The following SLC16A2 variants were observed in gnomAD, a reference collection of about 807,000 sequenced individuals.
The protein encoded by SLC16A2 is monocarboxylate transporter 8.
A neutral mutation model predicts 27.2 loss-of-function variants in SLC16A2; 3 were observed. The ratio of observed to expected loss-of-function variants is 0.11; its 90% CI spans 0.05 to 0.28. The LOEUF is 0.28. Ranked by LOEUF, SLC16A2 falls within the 10% of genes least tolerant of loss-of-function variation. The probability of loss-of-function intolerance (pLI) is 1.00; values close to 1 mark genes in which losing one functional copy is unlikely to be tolerated. For synonymous variants in SLC16A2, 202 were observed against 187.8 expected, an observed-to-expected ratio of 1.08 and a Z score of -0.62; for missense variants, 295 against 458.5, an observed-to-expected ratio of 0.64 and a Z score of 3.26.
At chrX:74,509,655 C>T (rs1210549603) in intron 1 of SLC16A2, among the ~76,000 whole-genome samples, 3 of 111,319 alleles carry the variant, frequency 2.7e-5, no homozygotes, top group African/African-American at 6.5e-5. Context: ...CCTCCACCTC[C>T]TGGGTTCAAG....
chrX:74,459,910 C>T, intron 1 of SLC16A2, among the ~76,000 whole-genome samples: 1 of 111,510 alleles, frequency 9.0e-6, no homozygotes, highest in East Asian at 2.8e-4. Context: ...AGCATGTTAG[C>T]CCATAACAGA....
chrX:74,518,991 G>A (rs1306864072), intron 1 of SLC16A2, among the ~76,000 whole-genome samples: 2 of 111,646 alleles, frequency 1.8e-5, no homozygotes, highest in African/African-American at 6.5e-5. Flanking sequence ...TGGATCATAC[G>A]ATTTGTGAAT....
At chrX:74,462,584 C>T (rs1929171732) in intron 1 of SLC16A2, among the ~76,000 whole-genome samples, 2 of 109,313 alleles carry the variant, frequency 1.8e-5, no homozygotes, top group African/African-American at 3.3e-5. Context: ...TCCCAAAGTG[C>T]TGGGATTACA....
intron 1 of SLC16A2, among the ~76,000 whole-genome samples, chrX:74,510,402 A>T (rs1420990176): frequency 1.8e-5 from 2 of 112,112 alleles, no homozygotes; most frequent in South Asian, 3.7e-4. Flanking sequence ...AAAACAAAAC[A>T]AAACACCTGT....
chrX:74,448,302 A>ATTTTTTT (rs144467927), intron 1 of SLC16A2, among the ~76,000 whole-genome samples: 1 of 64,250 alleles, frequency 1.6e-5, no homozygotes, highest in Non-Finnish European at 2.7e-5. Context: ...AATCCTTTGG[A>ATTTTTTT]TTTTTTTTTT....
intron 1 of SLC16A2, among the ~76,000 whole-genome samples, chrX:74,506,946 T>TA (rs2147865109): frequency 9.5e-6 from 1 of 105,216 alleles, no homozygotes; most frequent in Non-Finnish European, 1.9e-5. Flanking sequence ...TATTTTTTTT[T>TA]TTTTGAGGCA....
In SLC16A2 at chrX:74,524,501, A is replaced by T; in HGVS notation, c.718A>T (p.Ser240Cys). The change falls in exon 3 of 6, where the codon AGC (serine) becomes TGC (cysteine). Residue 240 changes from serine to cysteine, a missense_variant. By Grantham distance (112) the Ser-to-Cys change is moderately radical. Transcript: ENST00000587091. The stretch of plus-strand genomic sequence containing the variant: ...CAATGGTGTGGTGTCTGCTGGGAGT[A>T]GCATTTTCTCCATGTCCTTCCCCTT... ...LANGVVSAGS[S>C]IFSMSFPFLI... The T allele has an allele frequency of 8.3e-7, 1 of 1,211,556 alleles. No individual in the cohort carries two copies. The highest frequency in any genetic ancestry group is 1.1e-6 in the Non-Finnish European group (1 of 895,440).
At chrX:74,496,112 C>A (rs1479284054) in intron 1 of SLC16A2, among the ~76,000 whole-genome samples, 1 of 111,440 alleles carries the variant, frequency 9.0e-6, no homozygotes, top group Non-Finnish European at 1.9e-5. Context: ...GCTGGGGACC[C>A]CTCAGAAGGG....
chrX:74,522,294 C>G (rs1930419352), intron 2 of SLC16A2, among the ~76,000 whole-genome samples: 2 of 112,004 alleles, frequency 1.8e-5, no homozygotes, highest in Non-Finnish European at 3.8e-5. Flanking sequence ...GTGAGGTAAG[C>G]CAGCTTTCTT....
rs769304904 is a variant in SLC16A2 at position 74,467,827 on chromosome X, G to C, written c.430+45760G>C. Among the ~76,000 whole-genome samples, 16 of 111,126 alleles carry C rather than the reference G, an allele frequency of 1.4e-4. No individual in the cohort carries two copies. In the Admixed American group the frequency reaches 1.5e-3, roughly 11 times the overall value. On this transcript the variant is annotated intron_variant, in intron 1 of 5. Coordinates refer to ENST00000587091, the MANE Select transcript of SLC16A2 (RefSeq NM_006517.5). ...AACCACTCATGAATCACATAGTCCT[G>C]GTGAGATTAGATCCAAACTCCTGGC...
intron 1 of SLC16A2, among the ~76,000 whole-genome samples, chrX:74,505,443 T>C (rs5937836): frequency 0.53 from 58,885 of 111,606 alleles, 13,418 homozygotes; most frequent in Non-Finnish European, 0.73. Context: ...CTTTTGCAGT[T>C]CCTCTGCCTT....
chrX:74,455,997 G>A (rs1336221026), intron 1 of SLC16A2, among the ~76,000 whole-genome samples: 1 of 111,973 alleles, frequency 8.9e-6, no homozygotes, highest in Non-Finnish European at 1.9e-5. Context: ...GAAGAAGCAA[G>A]GTCTCTTTCC....
chrX:74,435,075 C>CT (rs1272395310), intron 1 of SLC16A2, among the ~76,000 whole-genome samples: 3 of 109,573 alleles, frequency 2.7e-5, no homozygotes, highest in Non-Finnish European at 5.7e-5. Context: ...TGTGATCCGC[C>CT]TGCCTCGGCC....
chrX:74,503,020 G>C (rs1489721267), intron 1 of SLC16A2, among the ~76,000 whole-genome samples: 3 of 109,576 alleles, frequency 2.7e-5, no homozygotes, highest in Non-Finnish European at 5.7e-5. Flanking sequence ...TCTTAGTGTT[G>C]ATTTCAGAGC....
Position 74,533,318 on chromosome X carries a change from C to G in SLC16A2, c.*1765C>G, listed in dbSNP as rs1391045052. 1 of 112,260 alleles carries G rather than the reference C, an allele frequency of 8.9e-6. No homozygotes were observed. The highest frequency in any genetic ancestry group is 1.9e-5 in the Non-Finnish European group (1 of 53,159). The allele number at this position is 112,260 out of a possible 1,213,427, so 9.3% of individuals were successfully genotyped here. ...AAGTCCTGAGCCCCCTCCGCTGGTC[C>G]CAGTCCAGCTCTTATCAACTCCCCA... On this transcript the variant is annotated 3_prime_UTR_variant, in exon 6 of 6. Coordinates refer to ENST00000587091, the MANE Select transcript of SLC16A2 (RefSeq NM_006517.5).
At chrX:74,517,751 A>G (rs1434736848) in intron 1 of SLC16A2, among the ~76,000 whole-genome samples, 1 of 111,563 alleles carries the variant, frequency 9.0e-6, no homozygotes, top group Non-Finnish European at 1.9e-5. Context: ...ACTTGATAAC[A>G]TTTTCATTAC....
chrX:74,449,824 T>G (rs1394360928), intron 1 of SLC16A2, among the ~76,000 whole-genome samples: 8 of 111,931 alleles, frequency 7.1e-5, no homozygotes, highest in Non-Finnish European at 7.5e-5. Context: ...GAGGAACTCT[T>G]TTAAGTTTGG....
intron 1 of SLC16A2, among the ~76,000 whole-genome samples, chrX:74,456,231 A>G (rs1164375311): frequency 9.0e-6 from 1 of 111,675 alleles, no homozygotes; most frequent in Non-Finnish European, 1.9e-5. Context: ...AGGTGGGAGA[A>G]GACATTTTGC....
At chrX:74,492,180 T>G in intron 1 of SLC16A2, among the ~76,000 whole-genome samples, 1 of 111,420 alleles carries the variant, frequency 9.0e-6, no homozygotes, top group Middle Eastern at 4.7e-3. Flanking sequence ...CCCTGAGTCT[T>G]GCCCCTAAGA....
Sources: allele counts gnomAD v4.1 joint callset (sites outside exome capture counted in the v4.1 genomes callset), GRCh38; gene constraint gnomAD v4.1.1; transcripts MANE v1.5; gene names NCBI Gene and HGNC (gene_info 2026-07-23, HGNC 2026-07-21).